The following TENM3 variants were observed in gnomAD, a reference collection of about 807,000 sequenced individuals.
The protein encoded by TENM3 is teneurin-3.
A neutral mutation model predicts 255.1 loss-of-function variants in TENM3; 63 were observed. The observed-to-expected ratio is 0.25, with a 90% CI of 0.20 to 0.30. TENM3 has a LOEUF of 0.30. Ranked by LOEUF, TENM3 falls within the 10% of genes least tolerant of loss-of-function variation. The pLI, the probability that TENM3 is intolerant of heterozygous loss-of-function variation, is 1.00. For missense variants in TENM3, 2,929 were observed against 3,461.1 expected (o/e 0.85, Z 3.86); for synonymous variants, 1,306 against 1,322.3 (o/e 0.99, Z 0.27).
intron 1 of TENM3, among the ~76,000 whole-genome samples, chr4:182,299,112 G>C (rs997188430): frequency 6.6e-6 from 1 of 150,670 alleles, no homozygotes; most frequent in Admixed American, 6.6e-5. Context: ...GCTTACTGAG[G>C]ACTGAAAGAA....
rs1767048240 is a variant in TENM3, at chr4:182,802,549, C to T, written c.*2198C>T. ...TTGTGCCACATGACAGAAGTGAGAT[C>T]ATAGTCTTAACCTCTTCTTGACGTG... On this transcript the variant is annotated 3_prime_UTR_variant, in exon 28 of 28. Transcript: ENST00000511685. The T allele has an allele frequency of 6.6e-6, 1 of 152,622 alleles. No homozygotes were observed. Among genetic ancestry groups the T allele is most frequent in the Non-Finnish European group, 1.5e-5 (1 of 68,034 alleles). 9.5% of individuals were successfully genotyped at this position (152,622 alleles called of 1,614,324 possible). A position where few individuals can be genotyped will look rare whatever the true frequency, so the allele number is the denominator to read the frequency against.
At chr4:182,456,902 G>T (rs1329089539) in intron 3 of TENM3, among the ~76,000 whole-genome samples, 10 of 152,262 alleles carry the variant, frequency 6.6e-5, no homozygotes, top group African/African-American at 2.4e-4. Flanking sequence ...AAACAGCTGG[G>T]CCCGGCATGG....
At chr4:181,614,050 A>C in the TENM3 span, among the ~76,000 whole-genome samples, 1 of 152,148 alleles carries the variant, frequency 6.6e-6, no homozygotes, top group Non-Finnish European at 1.5e-5. Flanking sequence ...ATTTCTGTTA[A>C]CATACAATGG....
At chr4:181,561,146 G>A in the TENM3 span, among the ~76,000 whole-genome samples, 1 of 152,030 alleles carries the variant, frequency 6.6e-6, no homozygotes, top group African/African-American at 2.4e-5. Context: ...TAGAGACGGG[G>A]TTTCGCCATG....
chr4:182,582,185 C>T (rs1745554582), intron 3 of TENM3, among the ~76,000 whole-genome samples: 1 of 152,162 alleles, frequency 6.6e-6, no homozygotes, highest in African/African-American at 2.4e-5. Flanking sequence ...GTAAAGCAAG[C>T]ATTCTTCCAT....
intron 3 of TENM3, among the ~76,000 whole-genome samples, chr4:182,422,888 A>G (rs1338487218): frequency 6.6e-6 from 1 of 152,170 alleles, no homozygotes; most frequent in Admixed American, 6.5e-5. Context: ...CTTCCAGATG[A>G]GGCAACTGAG....
chr4:181,680,802 T>C, the TENM3 span, among the ~76,000 whole-genome samples: 1 of 152,116 alleles, frequency 6.6e-6, no homozygotes, highest in African/African-American at 2.4e-5. Context: ...GATGCATCGT[T>C]AATCTCAACA....
At chr4:182,526,595 A>G (rs1739213975) in intron 3 of TENM3, among the ~76,000 whole-genome samples, 1 of 152,148 alleles carries the variant, frequency 6.6e-6, no homozygotes, top group Non-Finnish European at 1.5e-5. Flanking sequence ...AGTGTCTGCA[A>G]CCCTCACTAG....
chr4:182,192,523 C>T (rs985435057), intron 1 of TENM3, among the ~76,000 whole-genome samples: 4 of 152,216 alleles, frequency 2.6e-5, no homozygotes, highest in African/African-American at 9.6e-5. Context: ...AACTGGCATA[C>T]AGTGAACGTC....
At chr4:181,577,100 T>G in the TENM3 span, among the ~76,000 whole-genome samples, 3 of 69,754 alleles carry the variant, frequency 4.3e-5, no homozygotes, top group African/African-American at 2.9e-4. Flanking sequence ...AATATATATT[T>G]TATTATTATA....
At chr4:182,306,711 T>A (rs1762155260) in intron 1 of TENM3, among the ~76,000 whole-genome samples, 1 of 152,198 alleles carries the variant, frequency 6.6e-6, no homozygotes. Context: ...AATATGCTCT[T>A]CATCTGCCTA....
chr4:182,225,131 G>A (rs1398979211), intron 1 of TENM3, among the ~76,000 whole-genome samples: 1 of 152,086 alleles, frequency 6.6e-6, no homozygotes, highest in African/African-American at 2.4e-5. Flanking sequence ...ATACTCGTCT[G>A]ATAGGTTTCT....
chr4:181,528,161 T>A, the TENM3 span, among the ~76,000 whole-genome samples: 1 of 131,586 alleles, frequency 7.6e-6, no homozygotes, highest in African/African-American at 2.6e-5. Context: ...TTTTATAAAA[T>A]AGATACTTAA....
chr4:181,614,318 C>T, the TENM3 span, among the ~76,000 whole-genome samples: 1 of 152,112 alleles, frequency 6.6e-6, no homozygotes, highest in South Asian at 2.1e-4. Flanking sequence ...ATGTTGTCTT[C>T]ACATCTCTCC....
intron 3 of TENM3, among the ~76,000 whole-genome samples, chr4:182,592,329 A>T: frequency 6.6e-6 from 1 of 152,240 alleles, no homozygotes; most frequent in Non-Finnish European, 1.5e-5. Context: ...ATTAAGCTAC[A>T]CCAAGGATTA....
chr4:182,406,327 T>A (rs907945226), intron 3 of TENM3, among the ~76,000 whole-genome samples: 1 of 151,594 alleles, frequency 6.6e-6, no homozygotes, highest in African/African-American at 2.4e-5. Flanking sequence ...TAAAAATAAA[T>A]AAAAAATAAG....
At chr4:182,280,424 T>A (rs1433322314) in intron 1 of TENM3, among the ~76,000 whole-genome samples, 1 of 152,230 alleles carries the variant, frequency 6.6e-6, no homozygotes, top group African/African-American at 2.4e-5. Flanking sequence ...GATTTATATA[T>A]TCTTGAATAA....
intron 3 of TENM3, among the ~76,000 whole-genome samples, chr4:182,385,524 C>T (rs1271833925): frequency 6.6e-6 from 1 of 152,138 alleles, no homozygotes. Flanking sequence ...CTCGGCCTCC[C>T]AAAGTGCTGG....
intron 3 of TENM3, among the ~76,000 whole-genome samples, chr4:182,596,492 T>C (rs185420499): frequency 2.1e-4 from 32 of 152,250 alleles, no homozygotes; most frequent in Admixed American, 2.1e-3. Context: ...AGATCAATGA[T>C]TTTTACCTGG....
Sources: allele counts gnomAD v4.1 joint callset (sites outside exome capture counted in the v4.1 genomes callset), GRCh38; gene constraint gnomAD v4.1.1; transcripts MANE v1.5; gene names NCBI Gene and HGNC (gene_info 2026-07-23, HGNC 2026-07-21).